Variants in EPB41L3 observed in about 807,000 individuals in gnomAD.
EPB41L3 encodes the protein band 4.1-like protein 3.
A neutral mutation model predicts 127.1 loss-of-function variants in EPB41L3; 57 were observed. The ratio of observed to expected loss-of-function variants is 0.45; its 90% CI spans 0.36 to 0.56. The LOEUF (loss-of-function observed/expected upper bound fraction) is 0.56. Among genes scored for constraint, EPB41L3 ranks in the 20% least tolerant of loss-of-function variants. The probability of loss-of-function intolerance (pLI) is 0.00; values close to 1 mark genes in which losing one functional copy is unlikely to be tolerated. For missense variants in EPB41L3, 1,273 were observed against 1,372.2 expected (o/e 0.93, Z 1.14); for synonymous variants, 572 against 549.5 (o/e 1.04, Z -0.57).
chr18:5,459,688 T>A (rs976225116), intron 3 of EPB41L3, among the ~76,000 whole-genome samples: 13 of 152,230 alleles, frequency 8.5e-5, no homozygotes, highest in Non-Finnish European at 1.8e-4. Flanking sequence ...AAATTATATA[T>A]TCCTGGGATA....
chr18:5,540,470 C>G, intron 1 of EPB41L3: 1 of 985,386 alleles, frequency 1.0e-6, no homozygotes, highest in Non-Finnish European at 1.2e-6. Flanking sequence ...ATAGTGATGT[C>G]ACAACACCAG....
chr18:5,418,297 C>T (rs1427869021), intron 12 of EPB41L3, among the ~76,000 whole-genome samples: 2 of 152,170 alleles, frequency 1.3e-5, no homozygotes, highest in Admixed American at 6.6e-5. Flanking sequence ...CAGCTTAGTG[C>T]TACGTTTTAT....
chr18:5,456,487 C>A (rs1242545919), intron 3 of EPB41L3, among the ~76,000 whole-genome samples: 1 of 152,174 alleles, frequency 6.6e-6, no homozygotes, highest in African/African-American at 2.4e-5. Flanking sequence ...GTTAAAAAAA[C>A]AGGACATGCT....
chr18:5,509,937 A>T (rs191863214), intron 1 of EPB41L3, among the ~76,000 whole-genome samples: 2 of 152,344 alleles, frequency 1.3e-5, no homozygotes, highest in Admixed American at 1.3e-4. Flanking sequence ...AACTAGAGCC[A>T]GGTTGGGAAG....
intron 3 of EPB41L3, among the ~76,000 whole-genome samples, chr18:5,607,797 T>C (rs1424733594): frequency 6.6e-6 from 1 of 152,106 alleles, no homozygotes; most frequent in East Asian, 1.9e-4. Context: ...GAACTGTCAG[T>C]TTTGACTCAT....
At chr18:5,610,842 G>C (rs987913363) in intron 3 of EPB41L3, among the ~76,000 whole-genome samples, 1 of 152,108 alleles carries the variant, frequency 6.6e-6, no homozygotes, top group Non-Finnish European at 1.5e-5. Context: ...TAATTAACAT[G>C]TCATTAAATT....
chr18:5,618,590 A>T (rs2094824876), intron 1 of EPB41L3, among the ~76,000 whole-genome samples: 1 of 152,190 alleles, frequency 6.6e-6, no homozygotes, highest in South Asian at 2.1e-4. Context: ...CACATCTTTG[A>T]TGCTCCTTCT....
intron 6 of EPB41L3, among the ~76,000 whole-genome samples, chr18:5,434,520 A>G (rs2145833308): frequency 6.6e-6 from 1 of 152,338 alleles, no homozygotes; most frequent in African/African-American, 2.4e-5. Flanking sequence ...TCTTAAGTAC[A>G]GTTATGTGCC....
chr18:5,586,046 T>G (rs1234979032), intron 3 of EPB41L3, among the ~76,000 whole-genome samples: 1 of 152,178 alleles, frequency 6.6e-6, no homozygotes, highest in African/African-American at 2.4e-5. Context: ...CCCTTGGGGC[T>G]CAACACCAAT....
At chr18:5,447,173 T>A (rs1367265426) in intron 3 of EPB41L3, among the ~76,000 whole-genome samples, 1 of 152,216 alleles carries the variant, frequency 6.6e-6, no homozygotes, top group South Asian at 2.1e-4. Flanking sequence ...TGACACTACT[T>A]ACTTCTTTGG....
At chr18:5,489,779 T>C (rs1039216677) in intron 1 of EPB41L3, among the ~76,000 whole-genome samples, 3 of 152,248 alleles carry the variant, frequency 2.0e-5, no homozygotes, top group Non-Finnish European at 4.4e-5. Flanking sequence ...TCTGTCCCAC[T>C]GGCCATAGCT....
chr18:5,591,325 G>T (rs182129307), intron 3 of EPB41L3, among the ~76,000 whole-genome samples: 14 of 147,742 alleles, frequency 9.5e-5, no homozygotes, highest in Middle Eastern at 3.5e-3. Flanking sequence ...TTGGTGGATG[G>T]GAAGTCCAAG....
chr18:5,487,889 A>C (rs2090035564), intron 2 of EPB41L3, among the ~76,000 whole-genome samples: 2 of 152,082 alleles, frequency 1.3e-5, no homozygotes, highest in Non-Finnish European at 2.9e-5. Context: ...AAAGATTTTC[A>C]CTAATATGCT....
At chr18:5,444,014 C>G in intron 4 of EPB41L3, 134 bp from the exon 5 acceptor site, 2 of 690,412 alleles carry the variant, frequency 2.9e-6, no homozygotes, top group Non-Finnish European at 4.8e-6. Flanking sequence ...TGTGGTCCTT[C>G]CCCCACATCT....
intron 8 of EPB41L3, chr18:5,429,215 TA>T (rs2078644828): frequency 6.6e-6 from 1 of 152,086 alleles, no homozygotes; most frequent in South Asian, 2.1e-4. Flanking sequence ...TAAATATGTG[TA>T]TAGTTTTTTT....
chr18:5,485,678 G>A (rs759309795), intron 2 of EPB41L3, among the ~76,000 whole-genome samples: 34 of 152,028 alleles, frequency 2.2e-4, no homozygotes, highest in Non-Finnish European at 3.7e-4. Flanking sequence ...AAAATCAGTA[G>A]TGTTTAAATT....
intron 1 of EPB41L3, among the ~76,000 whole-genome samples, chr18:5,505,265 A>C (rs879773650): frequency 2.0e-5 from 3 of 152,158 alleles, no homozygotes; most frequent in Non-Finnish European, 4.4e-5. Context: ...CAATCAATCC[A>C]TCCTCCCAGA....
At chr18:5,522,778 A>G (rs1254575097) in intron 1 of EPB41L3, among the ~76,000 whole-genome samples, 1 of 152,200 alleles carries the variant, frequency 6.6e-6, no homozygotes, top group Non-Finnish European at 1.5e-5. Context: ...ATGATAAACC[A>G]AAGCAACAGA....
chr18:5,501,533 G>T (rs1402768312), intron 1 of EPB41L3, among the ~76,000 whole-genome samples: 1 of 152,134 alleles, frequency 6.6e-6, no homozygotes, highest in Non-Finnish European at 1.5e-5. Flanking sequence ...CATTTTCTAG[G>T]CCATTTCTGT....
Sources: allele counts gnomAD v4.1 joint callset (sites outside exome capture counted in the v4.1 genomes callset), GRCh38; gene constraint gnomAD v4.1.1; transcripts MANE v1.5; gene names NCBI Gene and HGNC (gene_info 2026-07-23, HGNC 2026-07-21).